Variants in ANO4 observed in about 807,000 individuals in gnomAD.
ANO4 encodes the protein anoctamin-4.
A neutral mutation model predicts 141.9 loss-of-function variants in ANO4; 69 were observed. That is an observed-to-expected ratio of 0.49 (90% CI 0.40 to 0.59). The LOEUF is 0.59. Among genes scored for constraint, ANO4 ranks in the 20% least tolerant of loss-of-function variants. The probability of loss-of-function intolerance (pLI) is 0.00; values close to 1 mark genes in which losing one functional copy is unlikely to be tolerated. For missense variants in ANO4, 894 were observed against 1,162.2 expected (o/e 0.77, Z 3.36); for synonymous variants, 350 against 394.3 (o/e 0.89, Z 1.33).
chr12:100,836,792 C>G (rs2036948671), intron 1 of ANO4, among the ~76,000 whole-genome samples: 1 of 152,002 alleles, frequency 6.6e-6, no homozygotes, highest in Non-Finnish European at 1.5e-5. Flanking sequence ...GAGATGCATA[C>G]AAGAATGCTG....
At chr12:100,910,906 C>T (rs1340424648) in intron 2 of ANO4, among the ~76,000 whole-genome samples, 1 of 151,970 alleles carries the variant, frequency 6.6e-6, no homozygotes, top group Non-Finnish European at 1.5e-5. Flanking sequence ...TTTTTAAAAC[C>T]TATGGCCCTT....
At chr12:100,953,989 G>A (rs145073292) in intron 5 of ANO4, among the ~76,000 whole-genome samples, 3 of 152,218 alleles carry the variant, frequency 2.0e-5, no homozygotes, top group Admixed American at 6.5e-5. Flanking sequence ...GAGCAGTGTT[G>A]GGATTTTGGA....
chr12:100,984,550 C>A (rs1166336625), intron 7 of ANO4, among the ~76,000 whole-genome samples: 1 of 152,108 alleles, frequency 6.6e-6, no homozygotes, highest in African/African-American at 2.4e-5. Flanking sequence ...GTTTTATGAG[C>A]CCACTAACCA....
intron 8 of ANO4, among the ~76,000 whole-genome samples, chr12:101,013,094 C>T (rs12311340): frequency 0.14 from 21,454 of 152,096 alleles, 1,667 homozygotes; most frequent in East Asian, 0.21. Flanking sequence ...AACATAACTA[C>T]CATTTGACCC....
At chr12:100,956,394 C>G (rs950988331) in intron 5 of ANO4, among the ~76,000 whole-genome samples, 2 of 152,088 alleles carry the variant, frequency 1.3e-5, no homozygotes, top group African/African-American at 4.8e-5. Context: ...TCTAGAAGAC[C>G]AGGAGTAGAG....
intron 8 of ANO4, among the ~76,000 whole-genome samples, chr12:101,013,124 A>T (rs1177318041): frequency 6.6e-6 from 1 of 152,200 alleles, no homozygotes; most frequent in Non-Finnish European, 1.5e-5. Flanking sequence ...CTTTTTTAAG[A>T]TGGAAAAGCC....
intron 13 of ANO4, among the ~76,000 whole-genome samples, chr12:101,046,766 G>A (rs769394491): frequency 1.3e-5 from 2 of 152,210 alleles, no homozygotes; most frequent in African/African-American, 2.4e-5. Flanking sequence ...AAATGTTTGT[G>A]TATCAGCCCC....
chr12:100,754,005 C>T lies in ANO4; in HGVS notation c.358+13900C>T, dbSNP rs958000122. On this transcript the variant is annotated intron_variant, in intron 3 of 29. Coordinates refer to the ANO4 transcript ENST00000644049. Reference sequence around the variant, plus strand: ...CAACCACTCATTTGCAGTCATCATCCCTCAGTTCTTTTGCTCTTGTGAATA... The same window carrying T: ...CAACCACTCATTTGCAGTCATCATCTCTCAGTTCTTTTGCTCTTGTGAATA... Among the ~76,000 whole-genome samples, 18 of 152,284 alleles carry T rather than the reference C, an allele frequency of 1.2e-4. 1 individual carries two copies. The highest frequency in any genetic ancestry group is 4.6e-4 in the Admixed American group (7 of 15,294).
chr12:101,124,083 A>C (rs1468822287), intron 26 of ANO4, among the ~76,000 whole-genome samples: 1 of 152,202 alleles, frequency 6.6e-6, no homozygotes, highest in Non-Finnish European at 1.5e-5. Context: ...TACTCCCACC[A>C]ACAGTGTAAA....
At chr12:101,026,261 CA>C (rs1436546918) in intron 9 of ANO4, among the ~76,000 whole-genome samples, 2 of 152,070 alleles carry the variant, frequency 1.3e-5, no homozygotes, top group Non-Finnish European at 2.9e-5. Flanking sequence ...TTTTAAAAAC[CA>C]AATCACTTAT....
chr12:101,116,829 G>T, intron 25 of ANO4, 31 bp downstream of exon 25: 1 of 1,613,594 alleles, frequency 6.2e-7, no homozygotes, highest in Non-Finnish European at 8.5e-7. Flanking sequence ...GGCTCTGCCT[G>T]AGCTGGGCTG....
chr12:101,066,924 C>A (rs2084141168), intron 14 of ANO4: 1 of 763,796 alleles, frequency 1.3e-6, no homozygotes, highest in Admixed American at 1.8e-5. Context: ...CCAGAGTTTT[C>A]TGTTACAAGG....
intron 1 of ANO4, among the ~76,000 whole-genome samples, chr12:100,880,650 G>A (rs1225338034): frequency 3.9e-5 from 6 of 152,180 alleles, no homozygotes; most frequent in Non-Finnish European, 8.8e-5. Context: ...CCTTTCATAT[G>A]TTTTTTAATG....
At chr12:100,997,813 T>G (rs945554682) in intron 8 of ANO4, among the ~76,000 whole-genome samples, 1 of 152,030 alleles carries the variant, frequency 6.6e-6, no homozygotes, top group Non-Finnish European at 1.5e-5. Context: ...GTCATTGGAG[T>G]GGACAGTGAA....
intron 3 of ANO4, among the ~76,000 whole-genome samples, chr12:100,757,198 A>ACC (rs2032649613): frequency 6.6e-6 from 1 of 152,148 alleles, no homozygotes; most frequent in Non-Finnish European, 1.5e-5. Flanking sequence ...TCCAGGTGGT[A>ACC]AGCCTGTTGA....
At chr12:101,029,907 T>TAAAACAA (rs2046903878) in intron 9 of ANO4, among the ~76,000 whole-genome samples, 1 of 96,210 alleles carries the variant, frequency 1.0e-5, no homozygotes, top group African/African-American at 4.6e-5. Flanking sequence ...AGTCTCCGTC[T>TAAAACAA]AAAAAAAAAA....
intron 5 of ANO4, among the ~76,000 whole-genome samples, chr12:100,944,435 A>G (rs1024255483): frequency 3.0e-4 from 45 of 152,230 alleles, no homozygotes; most frequent in Admixed American, 5.9e-4. Context: ...GCAATTGGAA[A>G]AAGGGAATTA....
At chr12:101,085,370 A>AT (rs1257776530) in intron 16 of ANO4, among the ~76,000 whole-genome samples, 3 of 151,994 alleles carry the variant, frequency 2.0e-5, no homozygotes, top group African/African-American at 7.3e-5. Flanking sequence ...ACAGATGGAA[A>AT]TTTTTTTTAA....
chr12:101,011,140 G>A (rs2046070060), intron 8 of ANO4, among the ~76,000 whole-genome samples: 1 of 152,060 alleles, frequency 6.6e-6, no homozygotes, highest in African/African-American at 2.4e-5. Context: ...CATTCCAAGT[G>A]GGCAAGAATG....
Sources: allele counts gnomAD v4.1 joint callset (sites outside exome capture counted in the v4.1 genomes callset), GRCh38; gene constraint gnomAD v4.1.1; transcripts MANE v1.5; gene names NCBI Gene and HGNC (gene_info 2026-07-23, HGNC 2026-07-21).